The following PCDHGA4 variants were observed in gnomAD, a reference collection of about 807,000 sequenced individuals.
PCDHGA4 encodes the protein protocadherin gamma subfamily A, 4, also known as protocadherin gamma-A4.
Under a neutral mutation model 54.6 loss-of-function variants are expected in PCDHGA4, and 38 were observed. The observed-to-expected ratio is 0.70, with a 90% CI of 0.54 to 0.91. PCDHGA4 has a LOEUF of 0.91. PCDHGA4 is among the 40% of genes least tolerant of loss of function. PCDHGA4 has a pLI of 0.00. For synonymous variants in PCDHGA4, 511 were observed against 512.9 expected (o/e 1.00, Z 0.05); for missense variants, 1,298 against 1,220.9 (o/e 1.06, Z -0.94).
intron 1 of PCDHGA4, among the ~76,000 whole-genome samples, chr5:141,380,542 T>G (rs182715146): frequency 6.6e-6 from 1 of 152,362 alleles, no homozygotes; most frequent in East Asian, 1.9e-4. Flanking sequence ...TTTGATACAA[T>G]GAGCTTATGT....
chr5:141,500,937 C>G (rs910002814), intron 2 of PCDHGA4, among the ~76,000 whole-genome samples: 1 of 151,804 alleles, frequency 6.6e-6, no homozygotes, highest in Non-Finnish European at 1.5e-5. Context: ...GGCGCCATCT[C>G]GGCTCACTGC....
chr5:141,385,282 G>A lies in PCDHGA4; in HGVS notation c.2514+27661G>A, dbSNP rs769141713. ...GAAAAATGATTCTTTGCTAACATCC[G>A]TAGATTTTCAGGAATGTAAAGAAAA... On this transcript the variant is annotated intron_variant, in intron 1 of 3. Transcript: ENST00000571252. 9.3e-6 allele frequency: 15 copies of A among 1,613,370 alleles called. No homozygotes were observed. The Admixed American group carries it at 1.8e-4, about 20-fold the overall frequency.
chr5:141,458,567 TTTTG>T (rs144471304), intron 1 of PCDHGA4, among the ~76,000 whole-genome samples: 42,006 of 151,504 alleles, frequency 0.28, 6,493 homozygotes, highest in African/African-American at 0.43. Context: ...GGTTTTGGGT[TTTTG>T]TTTGTTTGTT....
intron 1 of PCDHGA4, chr5:141,418,595 G>T (rs1331897624): frequency 5.6e-6 from 9 of 1,613,928 alleles, no homozygotes; most frequent in Non-Finnish European, 7.6e-6. Flanking sequence ...CAGCCAGGAC[G>T]TGTACAGGGT....
At chr5:141,456,453 A>G (rs1395554812) in intron 1 of PCDHGA4, among the ~76,000 whole-genome samples, 1 of 152,190 alleles carries the variant, frequency 6.6e-6, no homozygotes, top group Non-Finnish European at 1.5e-5. Flanking sequence ...GAGTCCAAAT[A>G]TCAATACAAG....
chr5:141,439,638 C>T (rs1256973189), intron 1 of PCDHGA4, among the ~76,000 whole-genome samples: 2 of 152,184 alleles, frequency 1.3e-5, no homozygotes, highest in African/African-American at 4.8e-5. Context: ...GACATTCCGG[C>T]TTGGTGGCTT....
chr5:141,478,399 T>C, intron 1 of PCDHGA4: 1 of 1,613,514 alleles, frequency 6.2e-7, no homozygotes, highest in South Asian at 1.1e-5. Flanking sequence ...ATCAGGTGTA[T>C]CTCACCACGG....
intron 1 of PCDHGA4, chr5:141,393,991 A>C (rs2092893166): frequency 6.2e-7 from 1 of 1,613,604 alleles, no homozygotes; most frequent in East Asian, 2.2e-5. Flanking sequence ...TTACCTTTTA[A>C]ATTAGAAAAG....
intron 1 of PCDHGA4, among the ~76,000 whole-genome samples, chr5:141,401,792 T>C (rs1359997438): frequency 6.6e-6 from 1 of 152,212 alleles, no homozygotes; most frequent in Non-Finnish European, 1.5e-5. Context: ...CCTTAGTATG[T>C]GATTCAGTAA....
intron 1 of PCDHGA4, among the ~76,000 whole-genome samples, chr5:141,397,239 G>A (rs563338293): frequency 1.8e-4 from 27 of 152,262 alleles, no homozygotes; most frequent in Non-Finnish European, 3.4e-4. Flanking sequence ...GAAGAGCAAC[G>A]TAGTAGGGTA....
At chr5:141,367,326 C>G (rs1765062617) in intron 1 of PCDHGA4, 3 of 152,420 alleles carry the variant, frequency 2.0e-5, no homozygotes. Context: ...ATCACGAGGT[C>G]AGGAGATCGA....
chr5:141,364,354 G>C (rs1256054518), intron 1 of PCDHGA4: 1 of 1,554,444 alleles, frequency 6.4e-7, no homozygotes, highest in Non-Finnish European at 8.7e-7. Context: ...CTAGGGGCTG[G>C]GGCTGCGGAG....
At chr5:141,427,059 G>C (rs751016646) in intron 1 of PCDHGA4, 1 of 457,744 alleles carries the variant, frequency 2.2e-6, no homozygotes, top group South Asian at 1.5e-5. Context: ...AGGCACCTCT[G>C]TACTAAAGGT....
At chr5:141,424,894 T>C (rs868851823) in intron 1 of PCDHGA4, among the ~76,000 whole-genome samples, 44 of 152,320 alleles carry the variant, frequency 2.9e-4, no homozygotes, top group African/African-American at 9.9e-4. Flanking sequence ...TCTAGGGTTT[T>C]TGATCACAGG....
intron 1 of PCDHGA4, chr5:141,395,250 C>A: frequency 6.4e-7 from 1 of 1,558,318 alleles, no homozygotes. Context: ...GAGTTTAGTT[C>A]TTTGCTTGCT....
intron 1 of PCDHGA4, chr5:141,377,300 T>A (rs929187277): frequency 3.3e-5 from 5 of 152,140 alleles, no homozygotes; most frequent in Admixed American, 2.6e-4. Flanking sequence ...TTTAGGTCAG[T>A]GTTAAAGATC....
intron 3 of PCDHGA4, among the ~76,000 whole-genome samples, chr5:141,505,697 C>T (rs540949327): frequency 1.4e-4 from 21 of 152,198 alleles, no homozygotes; most frequent in Admixed American, 7.2e-4. Context: ...TGGAGGAGAG[C>T]GAACAAGGAA....
In PCDHGA4 at chr5:141,394,564, G is replaced by C. The variant is rs200338108; in HGVS notation, c.2514+36943G>C. 4.7e-3 allele frequency: 7,544 copies of C among 1,612,816 alleles called. 48 individuals carry two copies. The highest frequency in any genetic ancestry group is 9.5e-3 in the Admixed American group (568 of 59,990). On this transcript the variant is annotated intron_variant, in intron 1 of 3. Transcript: ENST00000571252. Reference sequence around the variant, plus strand: ...GAGCTGGCGCCCCGCTCCGCAGAGCGTGGCTACCTGGTGACCAAGGTGGTG... The same window carrying C: ...GAGCTGGCGCCCCGCTCCGCAGAGCCTGGCTACCTGGTGACCAAGGTGGTG...
chr5:141,410,793 G>T, intron 1 of PCDHGA4: 2 of 637,704 alleles, frequency 3.1e-6, no homozygotes, highest in Admixed American at 4.3e-5. Flanking sequence ...TGGTTCATAA[G>T]TTGCTCTATC....
Sources: allele counts gnomAD v4.1 joint callset (sites outside exome capture counted in the v4.1 genomes callset), GRCh38; gene constraint gnomAD v4.1.1; transcripts MANE v1.5; gene names NCBI Gene and HGNC (gene_info 2026-07-23, HGNC 2026-07-21).